The following STK3 variants were observed in gnomAD, a reference collection of about 807,000 sequenced individuals.
The protein encoded by STK3 is serine/threonine-protein kinase 3.
STK3 carries 41 observed loss-of-function variants against 58.0 expected under a neutral mutation model. That is an observed-to-expected ratio of 0.71 (90% CI 0.55 to 0.92). STK3 has a LOEUF of 0.92. Ranked by LOEUF, STK3 falls within the 40% of genes least tolerant of loss-of-function variation. STK3 has a pLI of 0.00. For synonymous variants in STK3, 170 were observed against 191.0 expected, an observed-to-expected ratio of 0.89 and a Z score of 0.91; for missense variants, 479 against 602.7, an observed-to-expected ratio of 0.79 and a Z score of 2.15.
intron 9 of STK3, among the ~76,000 whole-genome samples, chr8:98,531,272 A>C (rs10086870): frequency 0.41 from 62,609 of 152,136 alleles, 13,083 homozygotes; most frequent in East Asian, 0.53. Context: ...TAAAATACTC[A>C]TGGATCTATG....
intron 4 of STK3, among the ~76,000 whole-genome samples, chr8:98,748,461 C>T (rs1829775464): frequency 6.6e-6 from 1 of 152,094 alleles, no homozygotes; most frequent in South Asian, 2.1e-4. Context: ...TTACAGTGTA[C>T]TTCCCAAATC....
intron 6 of STK3, among the ~76,000 whole-genome samples, chr8:98,664,434 T>G (rs1421879537): frequency 1.3e-5 from 2 of 152,182 alleles, no homozygotes; most frequent in East Asian, 3.8e-4. Context: ...GATTATAATT[T>G]ATGTAGAATT....
At chr8:98,609,043 T>C (rs1205885302) in intron 6 of STK3, among the ~76,000 whole-genome samples, 1 of 152,222 alleles carries the variant, frequency 6.6e-6, no homozygotes, top group Non-Finnish European at 1.5e-5. Context: ...TGCTGCTCTG[T>C]GATCTTGTCT....
rs116563237 is a variant in STK3 at position 98,725,054 on chromosome 8, A to C, written c.352-17743T>G. ...CACAAATATGCCAATACCTATGTAC[A>C]AAAGTTCCCTGCAGCTTTGAGTGTA... is the stretch of plus-strand genomic sequence containing the variant. On this transcript the variant is annotated intron_variant, in intron 4 of 10. Coordinates refer to ENST00000419617, the MANE Select transcript of STK3 (RefSeq NM_006281.4). Among the ~76,000 whole-genome samples the C allele has an allele frequency of 8.2e-3, 1,253 of 152,306 alleles. 13 individuals carry two copies. Among genetic ancestry groups the C allele is most frequent in the African/African-American group, 0.028 (1,180 of 41,562 alleles).
intron 6 of STK3, among the ~76,000 whole-genome samples, chr8:98,697,749 A>C (rs1825114948): frequency 6.6e-6 from 1 of 152,156 alleles, no homozygotes; most frequent in South Asian, 2.1e-4. Flanking sequence ...CTGTTCTTTT[A>C]CATTTGCTGA....
At chr8:98,565,350 T>C (rs1460257420) in intron 8 of STK3, among the ~76,000 whole-genome samples, 6 of 152,178 alleles carry the variant, frequency 3.9e-5, no homozygotes, top group Non-Finnish European at 8.8e-5. Context: ...ATATTTTACA[T>C]ACTATATCGA....
In STK3 at chr8:98,774,792, A is replaced by G. The variant is rs779962315; in HGVS notation, c.54T>C (p.Ser18=). Residue 18 remains serine, a synonymous_variant, in exon 2 of 11, where the codon AGT becomes AGC. Transcript: ENST00000419617. The stretch of plus-strand genomic sequence containing the variant: ...AAACTTCTTCAGGCTGCTTAGTCAA[A>G]CTGTCTTCACTCAGCTTTTTTAGTT... ...KSKLKKLSED[S]LTKQPEEVFD... The G allele has an allele frequency of 1.5e-5, 23 of 1,583,216 alleles. No individual in the cohort carries two copies. The highest frequency in any genetic ancestry group is 1.8e-5 in the Non-Finnish European group (21 of 1,166,582).
intron 1 of STK3, among the ~76,000 whole-genome samples, chr8:98,810,775 C>A (rs1834170205): frequency 6.6e-6 from 1 of 152,068 alleles, no homozygotes; most frequent in South Asian, 2.1e-4. Context: ...GGAGGTGGGG[C>A]CTAGTAGGAA....
At chr8:98,778,919 T>C (rs1587597996) in intron 1 of STK3, 1 of 152,072 alleles carries the variant, frequency 6.6e-6, no homozygotes, top group South Asian at 2.1e-4. Context: ...TTAGGAGATA[T>C]ACCTAATGCT....
intron 10 of STK3, among the ~76,000 whole-genome samples, chr8:98,491,206 A>G (rs980957004): frequency 1.5e-4 from 23 of 152,160 alleles, no homozygotes; most frequent in Admixed American, 5.2e-4. Context: ...AGAGACAGAG[A>G]GAGAGAGAGA....
At chr8:98,596,238 T>C in intron 6 of STK3, 69 bp from the exon 7 acceptor site, 1 of 1,482,454 alleles carries the variant, frequency 6.7e-7, no homozygotes, top group Non-Finnish European at 9.1e-7. Flanking sequence ...CAAATCTCTT[T>C]ATCTGTCTTT....
At chr8:98,844,666 A>G (rs1162380851) in intron 3 of STK3, among the ~76,000 whole-genome samples, 1 of 152,024 alleles carries the variant, frequency 6.6e-6, no homozygotes, top group Non-Finnish European at 1.5e-5. Flanking sequence ...GGGTTTCACC[A>G]TGTTGGCCAG....
intron 4 of STK3, among the ~76,000 whole-genome samples, chr8:98,713,957 G>A (rs910842566): frequency 2.6e-5 from 4 of 152,184 alleles, no homozygotes; most frequent in Non-Finnish European, 5.9e-5. Context: ...TCATCCCTGG[G>A]ATGCAAGGCT....
intron 6 of STK3, chr8:98,598,828 C>T (rs1311441009): frequency 1.0e-6 from 1 of 985,276 alleles, no homozygotes; most frequent in Admixed American, 6.2e-5. Flanking sequence ...TGTTGCTTAA[C>T]TACATACCAA....
intron 6 of STK3, among the ~76,000 whole-genome samples, chr8:98,694,761 T>G (rs981875012): frequency 9.2e-5 from 14 of 152,214 alleles, no homozygotes; most frequent in Non-Finnish European, 1.6e-4. Flanking sequence ...TGTTGGACAT[T>G]TGGGTTGGTT....
intron 1 of STK3, among the ~76,000 whole-genome samples, chr8:98,903,420 C>G (rs759458987): frequency 6.1e-4 from 93 of 151,854 alleles, no homozygotes; most frequent in Non-Finnish European, 1.0e-3. Flanking sequence ...AGTCAAATCC[C>G]AGAAGAAAAT....
chr8:98,705,613 C>T (rs1825910449), intron 6 of STK3, among the ~76,000 whole-genome samples: 1 of 152,020 alleles, frequency 6.6e-6, no homozygotes, highest in Admixed American at 6.6e-5. Flanking sequence ...CTCTTTCTAT[C>T]TATTTACTTC....
At chr8:98,540,159 G>A (rs1431935252) in intron 9 of STK3, among the ~76,000 whole-genome samples, 1 of 152,166 alleles carries the variant, frequency 6.6e-6, no homozygotes, top group Non-Finnish European at 1.5e-5. Flanking sequence ...AATACTCCAG[G>A]TAAGTTCTAA....
At chr8:98,538,229 C>T (rs1002913845) in intron 9 of STK3, among the ~76,000 whole-genome samples, 1 of 152,074 alleles carries the variant, frequency 6.6e-6, no homozygotes, top group East Asian at 1.9e-4. Flanking sequence ...CGAAATGTGT[C>T]CTTTAATTTG....
Sources: gnomAD v4.1 joint callset for allele counts (sites outside exome capture counted in the v4.1 genomes callset) on GRCh38, gnomAD v4.1.1 for gene constraint, MANE v1.5 for transcripts, NCBI Gene and HGNC (gene_info 2026-07-23, HGNC 2026-07-21) for gene names.